SLC2A13: variants seen among roughly 807,000 people sequenced by gnomAD.
SLC2A13 encodes the protein proton myo-inositol cotransporter.
Under a neutral mutation model 64.4 loss-of-function variants are expected in SLC2A13, and 32 were observed. The observed-to-expected ratio is 0.50, with a 90% CI of 0.37 to 0.67. The LOEUF is 0.67. Ranked by LOEUF, SLC2A13 falls within the 30% of genes least tolerant of loss-of-function variation. SLC2A13 has a pLI of 0.00. For missense variants in SLC2A13, 743 were observed against 829.2 expected (o/e 0.90, Z 1.28); for synonymous variants, 338 against 327.1 (o/e 1.03, Z -0.36).
intron 4 of SLC2A13, among the ~76,000 whole-genome samples, chr12:39,872,775 A>G (rs1421427327): frequency 6.6e-6 from 1 of 152,252 alleles, no homozygotes; most frequent in Non-Finnish European, 1.5e-5. Flanking sequence ...GAAAACAAAG[A>G]AAACAAAATA....
intron 1 of SLC2A13, among the ~76,000 whole-genome samples, chr12:40,080,097 G>A (rs557698451): frequency 2.0e-5 from 3 of 152,230 alleles, no homozygotes; most frequent in South Asian, 4.1e-4. Flanking sequence ...TCTGACCTCA[G>A]GTGATCTGCC....
At chr12:39,920,835 A>T (rs1308350757) in intron 4 of SLC2A13, among the ~76,000 whole-genome samples, 1 of 152,112 alleles carries the variant, frequency 6.6e-6, no homozygotes, top group Non-Finnish European at 1.5e-5. Flanking sequence ...GACCTTAGCT[A>T]GCCACAGAAT....
Position 39,764,615 on chromosome 12 carries a change from G to A in SLC2A13, c.1568-3C>T. The A allele has an allele frequency of 6.3e-7, 1 of 1,585,478 alleles. No individual in the cohort carries two copies. On this transcript the variant is annotated splice_polypyrimidine_tract_variant and splice_region_variant and intron_variant, in intron 8 of 9. Transcript: ENST00000280871. ...AGTCCAAGGCATTGGTCCCATTCCTGAGAAATAAAACATTAAAAACTTTAG... is the reference window on the plus strand; with the variant it reads ...AGTCCAAGGCATTGGTCCCATTCCTAAGAAATAAAACATTAAAAACTTTAG...
chr12:39,805,025 A>ACAGAAGCCTGCTGGAGG (rs1555238665), intron 7 of SLC2A13, among the ~76,000 whole-genome samples: 2 of 147,664 alleles, frequency 1.4e-5, no homozygotes, highest in African/African-American at 5.0e-5. Flanking sequence ...CCTGCTGGAG[A>ACAGAAGCCTGCTGGAGG]GAGAAGCCTG....
At chr12:39,915,370 C>G (rs891882473) in intron 4 of SLC2A13, among the ~76,000 whole-genome samples, 1 of 151,732 alleles carries the variant, frequency 6.6e-6, no homozygotes, top group African/African-American at 2.4e-5. Context: ...AAAGATTAAA[C>G]GAAGCAATGT....
At chr12:39,904,394 C>T (rs551524260) in intron 4 of SLC2A13, among the ~76,000 whole-genome samples, 8 of 152,262 alleles carry the variant, frequency 5.3e-5, no homozygotes, top group East Asian at 3.9e-4. Flanking sequence ...GTTGATTATT[C>T]AGTTCTCAAA....
At chr12:39,770,795 C>T (rs1940536182) in intron 7 of SLC2A13, among the ~76,000 whole-genome samples, 2 of 152,152 alleles carry the variant, frequency 1.3e-5, no homozygotes, top group Non-Finnish European at 2.9e-5. Context: ...TTTTCATTTT[C>T]CTCTTATCCA....
chr12:39,790,377 C>G lies in SLC2A13; in HGVS notation c.1446-25519G>C, dbSNP rs1267143461. Among the ~76,000 whole-genome samples, 6 of 121,924 alleles carry G rather than the reference C, an allele frequency of 4.9e-5. No individual in the cohort carries two copies. In the South Asian group the frequency reaches 1.6e-3, roughly 32 times the overall value. 80.0% of individuals were successfully genotyped at this position (121,924 alleles called of 152,430 possible). A position where few individuals can be genotyped will look rare whatever the true frequency, so the allele number is the denominator to read the frequency against. On this transcript the variant is annotated intron_variant, in intron 7 of 9. Transcript: ENST00000280871. ...CAATGCTATCCCTCCCCCCTCCCCCCACCCCACCACAGTCCCCAGAGTGTG... is the reference window on the plus strand; with the variant it reads ...CAATGCTATCCCTCCCCCCTCCCCCGACCCCACCACAGTCCCCAGAGTGTG...
At chr12:39,968,034 C>G (rs1434734660) in intron 3 of SLC2A13, among the ~76,000 whole-genome samples, 1 of 152,174 alleles carries the variant, frequency 6.6e-6, no homozygotes, top group East Asian at 1.9e-4. Context: ...CCATCTGATA[C>G]AAATTCCTAT....
intron 1 of SLC2A13, among the ~76,000 whole-genome samples, chr12:40,051,538 G>A (rs1321859118): frequency 1.3e-5 from 2 of 152,252 alleles, no homozygotes; most frequent in Admixed American, 1.3e-4. Context: ...TATTGCCAAA[G>A]GGGAAGTGTG....
At chr12:39,873,170 C>A (rs1944098708) in intron 4 of SLC2A13, among the ~76,000 whole-genome samples, 1 of 152,024 alleles carries the variant, frequency 6.6e-6, no homozygotes, top group South Asian at 2.1e-4. Context: ...ATAAACCAAA[C>A]CTATAAATTA....
At chr12:39,811,020 T>C (rs1942141647) in intron 7 of SLC2A13, among the ~76,000 whole-genome samples, 1 of 152,156 alleles carries the variant, frequency 6.6e-6, no homozygotes, top group African/African-American at 2.4e-5. Flanking sequence ...CTTCTTTAAA[T>C]ATCTGGTTTA....
intron 4 of SLC2A13, among the ~76,000 whole-genome samples, chr12:39,899,454 A>G (rs1168319763): frequency 1.3e-5 from 2 of 152,006 alleles, no homozygotes; most frequent in African/African-American, 2.4e-5. Flanking sequence ...TTAACTTTTT[A>G]AAGGGTTTTT....
intron 3 of SLC2A13, among the ~76,000 whole-genome samples, chr12:39,968,802 A>ATATCTATATC (rs1565567375): frequency 2.3e-5 from 3 of 130,388 alleles, no homozygotes; most frequent in African/African-American, 9.7e-5. Flanking sequence ...ATATATATAT[A>ATATCTATATC]TATATCTACA....
chr12:40,073,104 A>G (rs1464244683), intron 1 of SLC2A13, among the ~76,000 whole-genome samples: 1 of 152,106 alleles, frequency 6.6e-6, no homozygotes, highest in Admixed American at 6.6e-5. Flanking sequence ...GTGCCACTAG[A>G]TCATTTCATG....
At chr12:39,816,764 C>T (rs116429077) in intron 7 of SLC2A13, among the ~76,000 whole-genome samples, 1 of 151,976 alleles carries the variant, frequency 6.6e-6, no homozygotes, top group African/African-American at 2.4e-5. Context: ...GCTGCAAGAA[C>T]CTCTCACCAT....
chr12:39,967,348 T>C (rs957566502), intron 3 of SLC2A13, among the ~76,000 whole-genome samples: 6 of 152,198 alleles, frequency 3.9e-5, no homozygotes, highest in Non-Finnish European at 8.8e-5. Context: ...TATTTTAGCA[T>C]GGCTCATGAT....
rs1940014995 is a variant in SLC2A13, at chr12:39,758,045, T to C, written c.*1981A>G. The C allele has an allele frequency of 6.6e-6, 1 of 151,716 alleles. No homozygotes were observed. The highest frequency in any genetic ancestry group is 2.4e-5 in the African/African-American group (1 of 41,398). The allele number at this position is 151,716 out of a possible 1,614,324, so 9.4% of individuals were successfully genotyped here. A position where few individuals can be genotyped will look rare whatever the true frequency, so the allele number is the denominator to read the frequency against. On this transcript the variant is annotated 3_prime_UTR_variant, in exon 10 of 10. Transcript: ENST00000280871. The stretch of plus-strand genomic sequence containing the variant: ...ATTAGATAAGAAATTTCTTATGAGA[T>C]AAGAAATATCAATAGAATAATAATT...
intron 3 of SLC2A13, among the ~76,000 whole-genome samples, chr12:39,994,601 C>A (rs1947196750): frequency 6.6e-6 from 1 of 152,154 alleles, no homozygotes; most frequent in African/African-American, 2.4e-5. Context: ...ACAAGCATAT[C>A]TGTGCATATA....
Sources: gnomAD v4.1 joint callset for allele counts (sites outside exome capture counted in the v4.1 genomes callset) on GRCh38, gnomAD v4.1.1 for gene constraint, MANE v1.5 for transcripts, NCBI Gene and HGNC (gene_info 2026-07-23, HGNC 2026-07-21) for gene names.